GPR19: variants seen among roughly 807,000 people sequenced by gnomAD.
GPR19 encodes G protein-coupled receptor 19.
Under a neutral mutation model 28.5 loss-of-function variants are expected in GPR19, and 14 were observed. The ratio of observed to expected loss-of-function variants is 0.49; its 90% CI spans 0.32 to 0.77. The LOEUF (loss-of-function observed/expected upper bound fraction) is 0.77, where lower values mean the gene tolerates loss of function less well. GPR19 is among the 30% of genes least tolerant of loss of function. GPR19 has a pLI of 0.03. For synonymous variants in GPR19, 173 were observed against 184.1 expected, an observed-to-expected ratio of 0.94 and a Z score of 0.49; for missense variants, 409 against 504.1, an observed-to-expected ratio of 0.81 and a Z score of 1.81.
chr12:12,697,160 A>AAAAAAAAAAAAAAG (rs1946278375), upstream of GPR19, among the ~76,000 whole-genome samples: 1 of 147,578 alleles, frequency 6.8e-6, no homozygotes. Context: ...AAGTAAAAAA[A>AAAAAAAAAAAAAAG]AAAAAAAAAA....
the GPR19 span, among the ~76,000 whole-genome samples, chr12:12,714,767 G>A: frequency 6.6e-6 from 1 of 152,094 alleles, no homozygotes; most frequent in African/African-American, 2.4e-5. Context: ...GTTCCTTCAG[G>A]GACTCCATAG....
chr12:12,678,073 C>CAAAAAA (rs56014911), intron 3 of GPR19, among the ~76,000 whole-genome samples: 1 of 46,134 alleles, frequency 2.2e-5, no homozygotes, highest in African/African-American at 7.3e-5. Flanking sequence ...GACTCTGTCT[C>CAAAAAA]AAAAAAAAAA....
At chr12:12,702,806 AC>A in the GPR19 span, among the ~76,000 whole-genome samples, 166 of 152,106 alleles carry the variant, frequency 1.1e-3, 1 homozygote, top group Non-Finnish European at 1.9e-3. Flanking sequence ...ACTATTCTAC[AC>A]CCCAGTGATA....
At chr12:12,686,328 C>T (rs1272935422) in intron 2 of GPR19, among the ~76,000 whole-genome samples, 1 of 152,162 alleles carries the variant, frequency 6.6e-6, no homozygotes, top group Non-Finnish European at 1.5e-5. Flanking sequence ...GAGGTTAATT[C>T]TAGTTTTTCT....
the GPR19 span, among the ~76,000 whole-genome samples, chr12:12,714,582 C>T: frequency 1.1e-4 from 17 of 152,286 alleles, no homozygotes; most frequent in Non-Finnish European, 2.2e-4. Context: ...CAAAACATCA[C>T]GCAGGACTGG....
At chr12:12,704,763 C>T in the GPR19 span, among the ~76,000 whole-genome samples, 1 of 152,096 alleles carries the variant, frequency 6.6e-6, no homozygotes, top group East Asian at 1.9e-4. Flanking sequence ...GTTTAAACAG[C>T]ACAGCAGGTC....
the GPR19 span, chr12:12,703,358 T>G: frequency 1.0e-6 from 1 of 984,818 alleles, no homozygotes; most frequent in Non-Finnish European, 1.2e-6. Context: ...ACAAGTAGTA[T>G]ATGGAGTATG....
At chr12:12,712,829 G>A in the GPR19 span, among the ~76,000 whole-genome samples, 1 of 152,050 alleles carries the variant, frequency 6.6e-6, no homozygotes, top group Non-Finnish European at 1.5e-5. Flanking sequence ...CACCAGGCCT[G>A]GTTCCAACCT....
At chr12:12,665,837 A>G (rs1469308793) in intron 3 of GPR19, among the ~76,000 whole-genome samples, 1 of 147,540 alleles carries the variant, frequency 6.8e-6, no homozygotes, top group Non-Finnish European at 1.5e-5. Flanking sequence ...AAAAAAAAAA[A>G]AAAAAAAAAA....
In GPR19 at chr12:12,661,866, C is replaced by T; in HGVS notation, c.583G>A (p.Val195Met). Residue 195 changes from valine (V) to methionine (M), a missense_variant, in exon 4 of 4, where the codon GTG becomes ATG. Transcript: ENST00000651487. The surrounding 1 kb of genome is among the most constrained non-coding windows in gnomAD (Gnocchi z 4.2). ...AASWVFDAGFVTPVLFFYGSN... is the reference protein window; with the variant it reads ...AASWVFDAGFMTPVLFFYGSN... ...CCATAGAAAAAGAGCACAGGGGTCACAAAGCCTGCATCAAAGACCCACGAT... is the reference window on the plus strand; with the variant it reads ...CCATAGAAAAAGAGCACAGGGGTCATAAAGCCTGCATCAAAGACCCACGAT... 6.2e-7 allele frequency: 1 copy of T among 1,614,166 alleles called. No individual in the cohort carries two copies. The highest frequency in any genetic ancestry group is 8.5e-7 in the Non-Finnish European group (1 of 1,180,038).
intron 2 of GPR19, among the ~76,000 whole-genome samples, chr12:12,690,087 TA>T (rs758626545): frequency 1.3e-5 from 2 of 152,244 alleles, no homozygotes; most frequent in Non-Finnish European, 2.9e-5. Context: ...AACTATGACA[TA>T]ATGTTTTTGT....
upstream of GPR19, among the ~76,000 whole-genome samples, chr12:12,700,354 TTTG>T (rs140318811): frequency 0.14 from 21,531 of 151,580 alleles, 1,721 homozygotes; most frequent in African/African-American, 0.19. Context: ...CACCTGGCTA[TTTG>T]TTGTTGTTGT....
At chr12:12,686,428 T>C (rs997553004) in intron 2 of GPR19, among the ~76,000 whole-genome samples, 8 of 152,348 alleles carry the variant, frequency 5.3e-5, no homozygotes, top group African/African-American at 1.9e-4. Context: ...ATTGAAGAAA[T>C]TCTTTGAGTC....
Position 12,662,311 on chromosome 12 carries a change from C to G in GPR19, c.138G>C (p.Glu46Asp). Reference protein sequence around the residue: ...PSQYLMELSEEHSWMSNQTDL... With the variant: ...PSQYLMELSEDHSWMSNQTDL... ...CTGTTTGGTTGCTCATCCAACTGTG[C>G]TCCTCACTTAATTCCATCAGGTATT... The change falls in exon 4 of 4, where the codon GAG (glutamate) becomes GAC (aspartate). Residue 46 changes from glutamate to aspartate, a missense_variant. By Grantham distance (45) the Glu-to-Asp change is conservative (BLOSUM62 2). Transcript: ENST00000651487. 1 of 1,614,240 alleles carries G rather than the reference C, an allele frequency of 6.2e-7. No individual in the cohort carries two copies. The highest frequency in any genetic ancestry group is 8.5e-7 in the Non-Finnish European group (1 of 1,180,044).
intron 3 of GPR19, among the ~76,000 whole-genome samples, chr12:12,683,577 G>T (rs1946053392): frequency 1.3e-5 from 2 of 152,136 alleles, no homozygotes; most frequent in Non-Finnish European, 2.9e-5. Flanking sequence ...TTCCTCAAAG[G>T]GTTGTTATAA....
At chr12:12,685,246 C>T (rs1186216819) in intron 2 of GPR19, among the ~76,000 whole-genome samples, 1 of 147,148 alleles carries the variant, frequency 6.8e-6, no homozygotes, top group African/African-American at 2.5e-5. Context: ...ATCACCCATC[C>T]TCACTCTTTA....
intron 3 of GPR19, among the ~76,000 whole-genome samples, chr12:12,682,880 T>C (rs926276594): frequency 6.6e-6 from 1 of 152,230 alleles, no homozygotes; most frequent in African/African-American, 2.4e-5. Context: ...TCTCCTCTTT[T>C]ACCCTTAAAA....
the GPR19 span, among the ~76,000 whole-genome samples, chr12:12,714,715 C>T: frequency 2.0e-5 from 3 of 152,282 alleles, no homozygotes; most frequent in African/African-American, 7.2e-5. Context: ...CTTGCAGCTG[C>T]CCACTTTGCA....
chr12:12,673,003 A>G (rs972539166), intron 3 of GPR19, among the ~76,000 whole-genome samples: 1 of 152,214 alleles, frequency 6.6e-6, no homozygotes, highest in Non-Finnish European at 1.5e-5. Flanking sequence ...TTCAGAAATG[A>G]TTAGTGCTAT....
Sources: allele counts gnomAD v4.1 joint callset (sites outside exome capture counted in the v4.1 genomes callset), GRCh38; gene constraint gnomAD v4.1.1; non-coding constraint Gnocchi (gnomAD v3.1); transcripts MANE v1.5; gene names NCBI Gene and HGNC (gene_info 2026-07-23, HGNC 2026-07-21).